ST6GAL1: variants seen among roughly 807,000 people sequenced by gnomAD.
The protein encoded by ST6GAL1 is ST6 beta-galactoside alpha-2,6-sialyltransferase 1.
ST6GAL1 carries 20 observed loss-of-function variants against 38.0 expected under a neutral mutation model. The observed-to-expected ratio is 0.53, with a 90% CI of 0.37 to 0.77. The LOEUF (loss-of-function observed/expected upper bound fraction) is 0.77. Ranked by LOEUF, ST6GAL1 falls within the 30% of genes least tolerant of loss-of-function variation. The pLI, the probability that ST6GAL1 is intolerant of heterozygous loss-of-function variation, is 0.00. For missense variants in ST6GAL1, 432 were observed against 496.4 expected, an observed-to-expected ratio of 0.87 and a Z score of 1.23; for synonymous variants, 196 against 188.2, an observed-to-expected ratio of 1.04 and a Z score of -0.34.
At chr3:187,058,438 A>G (rs1718795528) in intron 5 of ST6GAL1, among the ~76,000 whole-genome samples, 1 of 152,206 alleles carries the variant, frequency 6.6e-6, no homozygotes, top group South Asian at 2.1e-4. Context: ...GAATATTTTT[A>G]TAACGGGATA....
chr3:186,950,174 G>C (rs554968930), intron 1 of ST6GAL1, among the ~76,000 whole-genome samples: 1 of 152,290 alleles, frequency 6.6e-6, no homozygotes, highest in South Asian at 2.1e-4. Context: ...ATCCTCAAAG[G>C]CTTTAAAAGA....
At chr3:187,067,473 T>C (rs1424883790) in intron 5 of ST6GAL1, among the ~76,000 whole-genome samples, 4 of 149,536 alleles carry the variant, frequency 2.7e-5, no homozygotes, top group African/African-American at 7.4e-5. Context: ...TTCAGAGCCA[T>C]GTGTAAAGTT....
chr3:186,933,489 A>G (rs897543506), intron 1 of ST6GAL1, among the ~76,000 whole-genome samples: 1 of 152,348 alleles, frequency 6.6e-6, no homozygotes, highest in Non-Finnish European at 1.5e-5. Context: ...GAGCTGGGAC[A>G]CACCTGCATG....
chr3:187,065,437 G>A (rs962838127), intron 5 of ST6GAL1, among the ~76,000 whole-genome samples: 4 of 152,220 alleles, frequency 2.6e-5, no homozygotes, highest in African/African-American at 9.6e-5. Flanking sequence ...GTGTCATACT[G>A]TTAGGTTTCA....
intron 1 of ST6GAL1, among the ~76,000 whole-genome samples, chr3:186,938,130 C>T (rs1714029934): frequency 6.6e-6 from 1 of 152,144 alleles, no homozygotes; most frequent in Non-Finnish European, 1.5e-5. Flanking sequence ...GTTCATTTTC[C>T]AGATGATTCC....
chr3:186,947,024 C>CT lies in ST6GAL1; in HGVS notation c.-325+16191dup, dbSNP rs150521696. 3.2e-3 allele frequency among the ~76,000 whole-genome samples: 484 copies of CT among 152,174 alleles called. 3 individuals carry two copies. Among genetic ancestry groups the CT allele is most frequent in the African/African-American group, 0.011 (468 of 41,520 alleles). ...GAATGGGAGAAAGGACCTTTCTGGCCTGGGGGCAGCAGGAACACAGGCCTG... is the reference window on the plus strand; with the variant it reads ...GAATGGGAGAAAGGACCTTTCTGGCCTTGGGGGCAGCAGGAACACAGGCCTG... On this transcript the variant is annotated intron_variant, in intron 1 of 7. Transcript: ENST00000169298.
At chr3:187,042,487 C>A (rs1184983214) in intron 3 of ST6GAL1, among the ~76,000 whole-genome samples, 167 bp from the exon 4 acceptor site, 1 of 152,116 alleles carries the variant, frequency 6.6e-6, no homozygotes, top group Non-Finnish European at 1.5e-5. Context: ...TTGAGTCTGA[C>A]TTTTGTCGAG....
chr3:187,015,312 C>A (rs1248450937), intron 2 of ST6GAL1, among the ~76,000 whole-genome samples: 1 of 152,110 alleles, frequency 6.6e-6, no homozygotes, highest in East Asian at 1.9e-4. Flanking sequence ...AGTAAAAATC[C>A]CAAATGTTGA....
chr3:186,977,854 A>G (rs954100817), intron 2 of ST6GAL1, among the ~76,000 whole-genome samples: 4 of 152,244 alleles, frequency 2.6e-5, no homozygotes, highest in Non-Finnish European at 5.9e-5. Flanking sequence ...ATCACTTGAA[A>G]TAGTTTTAAT....
chr3:186,993,636 A>G (rs1716260345), intron 2 of ST6GAL1, among the ~76,000 whole-genome samples: 1 of 151,592 alleles, frequency 6.6e-6, no homozygotes, highest in African/African-American at 2.4e-5. Flanking sequence ...GCCTAGGTAA[A>G]TAACTGTGCC....
intron 2 of ST6GAL1, among the ~76,000 whole-genome samples, chr3:187,020,451 A>G (rs1717259050): frequency 6.6e-6 from 1 of 152,218 alleles, no homozygotes; most frequent in South Asian, 2.1e-4. Context: ...TAAGAATTAA[A>G]TTTGGTAACA....
chr3:187,023,447 C>T (rs1579330527), intron 2 of ST6GAL1, among the ~76,000 whole-genome samples: 1 of 152,170 alleles, frequency 6.6e-6, no homozygotes, highest in Non-Finnish European at 1.5e-5. Context: ...AGGCAATCAG[C>T]ATTTGCTGAA....
intron 2 of ST6GAL1, among the ~76,000 whole-genome samples, chr3:187,019,959 G>A (rs1717240358): frequency 6.6e-6 from 1 of 152,228 alleles, no homozygotes; most frequent in Non-Finnish European, 1.5e-5. Context: ...GGAAGGGCCT[G>A]AGTAGAGGGA....
intron 2 of ST6GAL1, among the ~76,000 whole-genome samples, chr3:186,996,910 A>G (rs1716431075): frequency 6.6e-6 from 1 of 151,572 alleles, no homozygotes; most frequent in Admixed American, 6.6e-5. Context: ...TCCACCTTGT[A>G]TTGCCAGTTT....
chr3:187,005,477 G>A (rs1159772944), intron 2 of ST6GAL1, among the ~76,000 whole-genome samples: 6 of 151,742 alleles, frequency 4.0e-5, no homozygotes, highest in African/African-American at 9.7e-5. Flanking sequence ...GGGTTTCACC[G>A]TGTTAGCCAG....
At chr3:186,954,164 T>G (rs1295861724) in intron 1 of ST6GAL1, among the ~76,000 whole-genome samples, 1 of 152,226 alleles carries the variant, frequency 6.6e-6, no homozygotes, top group East Asian at 1.9e-4. Context: ...CATGATCTCT[T>G]TCCTTTTTAT....
chr3:187,050,559 AGG>A (rs1491556378), intron 4 of ST6GAL1, among the ~76,000 whole-genome samples: 27 of 145,066 alleles, frequency 1.9e-4, no homozygotes, highest in African/African-American at 6.2e-4. Flanking sequence ...AGAGAGAGAG[AGG>A]GAGGGAGGGA....
chr3:187,033,578 G>A (rs1321898268), intron 2 of ST6GAL1, among the ~76,000 whole-genome samples: 2 of 151,814 alleles, frequency 1.3e-5, no homozygotes, highest in East Asian at 1.9e-4. Flanking sequence ...TTTCTGTTTT[G>A]CTTTTTTCAT....
Position 187,075,786 on chromosome 3 carries a change from C to T in ST6GAL1, c.1204C>T (p.Arg402Trp), listed in dbSNP as rs769388229. The change falls in exon 8 of 8, where the codon CGG (arginine) becomes TGG (tryptophan). Residue 402 changes from arginine to tryptophan, a missense_variant. By Grantham distance (101) the Arg-to-Trp change is moderately radical. Coordinates refer to ENST00000169298, the MANE Select transcript of ST6GAL1 (RefSeq NM_173216.2). The surrounding 1 kb of genome is among the most constrained non-coding windows in gnomAD (Gnocchi z 4.1). ...TGGAAAAGCCACACTGCCTGGCTTCCGGACCATTCACTGCTAAGCACAGGC... is the reference window on the plus strand; with the variant it reads ...TGGAAAAGCCACACTGCCTGGCTTCTGGACCATTCACTGCTAAGCACAGGC... ...LLGKATLPGF[R>W]TIHC is the part of the protein sequence containing the mutation. 13 of 1,614,194 alleles carry T rather than the reference C, an allele frequency of 8.1e-6. No individual in the cohort carries two copies. The highest frequency in any genetic ancestry group is 4.0e-5 in the African/African-American group (3 of 75,046).
Sources: gnomAD v4.1 joint callset for allele counts (sites outside exome capture counted in the v4.1 genomes callset) on GRCh38, gnomAD v4.1.1 for gene constraint, Gnocchi (gnomAD v3.1) non-coding constraint, MANE v1.5 for transcripts, NCBI Gene and HGNC (gene_info 2026-07-23, HGNC 2026-07-21) for gene names.